SCML4: variants seen among roughly 807,000 people sequenced by gnomAD.
SCML4 encodes the protein sex comb on midleg-like protein 4.
In SCML4, 34 loss-of-function variants were observed where a neutral mutation model predicts 41.1. That is an observed-to-expected ratio of 0.83 (90% confidence interval 0.63 to 1.10). SCML4 has a LOEUF of 1.10. Ranked by LOEUF, SCML4 falls within the 50% of genes least tolerant of loss-of-function variation. SCML4 has a pLI of 0.00. For missense variants in SCML4, 522 were observed against 534.1 expected, an observed-to-expected ratio of 0.98 and a Z score of 0.22; for synonymous variants, 214 against 220.9, an observed-to-expected ratio of 0.97 and a Z score of 0.28.
intron 1 of SCML4, among the ~76,000 whole-genome samples, chr6:107,817,633 AAAG>A (rs536833665): frequency 0.24 from 20,861 of 85,824 alleles, 3,911 homozygotes; most frequent in African/African-American, 0.3. Context: ...AAAAAAAAAA[AAAG>A]AAAAAAAAAA....
chr6:107,793,630 T>TG (rs1472442542), intron 1 of SCML4, among the ~76,000 whole-genome samples: 1 of 152,198 alleles, frequency 6.6e-6, no homozygotes, highest in Non-Finnish European at 1.5e-5. Flanking sequence ...AAGCCCAATT[T>TG]GGTAAGGATA....
chr6:107,748,591 T>A (rs564336269), intron 3 of SCML4, among the ~76,000 whole-genome samples: 1 of 152,168 alleles, frequency 6.6e-6, no homozygotes, highest in Non-Finnish European at 1.5e-5. Context: ...CCAGGTCTCA[T>A]CCCAGGTGAT....
rs1236540323 is a variant in SCML4, at chr6:107,721,013, A to C, written c.683-20T>G. 1.3e-6 allele frequency: 2 copies of C among 1,571,980 alleles called. No homozygotes were observed. The highest frequency in any genetic ancestry group is 1.9e-5 in the Admixed American group (1 of 53,902). On this transcript the variant is annotated intron_variant, in intron 5 of 7. Coordinates refer to ENST00000369020, the MANE Select transcript of SCML4 (RefSeq NM_198081.5). ...TCTTGACTAAGCAATAAGGCAGTAC[A>C]GAGAAGCAGATATCAGAGAGCAGTT...
At position 107,705,045 on chromosome 6, in the gene SCML4, G is replaced by T; in HGVS notation, c.*155C>A. On this transcript the variant is annotated 3_prime_UTR_variant, in exon 8 of 8. Transcript: ENST00000369020. ...AAGGTCCATGTTAAATTCTTCAAAA[G>T]GCAAAGATTCACAAGTTTTATAAAA... 1 of 770,398 alleles carries T rather than the reference G, an allele frequency of 1.3e-6. No individual in the cohort carries two copies. The highest frequency in any genetic ancestry group is 2.1e-6 in the Non-Finnish European group (1 of 465,970). The allele number at this position is 770,398 out of a possible 1,614,324, so 47.7% of individuals were successfully genotyped here. A position where few individuals can be genotyped will look rare whatever the true frequency, so the allele number is the denominator to read the frequency against.
At chr6:107,803,455 G>C (rs555906554) in intron 1 of SCML4, among the ~76,000 whole-genome samples, 1 of 148,356 alleles carries the variant, frequency 6.7e-6, no homozygotes, top group South Asian at 2.1e-4. Flanking sequence ...CCGGCCAGCC[G>C]CCCGGTCCGG....
chr6:107,807,650 T>TC (rs1783837742), intron 1 of SCML4, among the ~76,000 whole-genome samples: 1 of 152,222 alleles, frequency 6.6e-6, no homozygotes, highest in African/African-American at 2.4e-5. Context: ...TTAGCACAAT[T>TC]CCCTGTAGGA....
At chr6:107,843,699 G>A in the SCML4 span, among the ~76,000 whole-genome samples, 1 of 152,174 alleles carries the variant, frequency 6.6e-6, no homozygotes. Flanking sequence ...TGCCCCCAGA[G>A]ACACATTCAA....
chr6:107,734,422 C>CAGG (rs1776854926), intron 5 of SCML4, among the ~76,000 whole-genome samples: 1 of 152,204 alleles, frequency 6.6e-6, no homozygotes, highest in Non-Finnish European at 1.5e-5. Context: ...AACATTCATT[C>CAGG]ATTGGTTAAT....
intron 1 of SCML4, among the ~76,000 whole-genome samples, chr6:107,787,097 G>C (rs1781956049): frequency 6.6e-6 from 1 of 152,182 alleles, no homozygotes; most frequent in Non-Finnish European, 1.5e-5. Context: ...CAGAGAGCTG[G>C]CAACAGAGCT....
chr6:107,807,061 CTTT>C lies in SCML4; in HGVS notation c.-60+17062_-60+17064del, dbSNP rs201486996. The stretch of plus-strand genomic sequence containing the variant: ...AATAATTTGATGAAATGTTCCTAAG[CTTT>C]TTTTTTTTTTTTTTGGCTTAATACC... On this transcript the variant is annotated intron_variant, in intron 1 of 7. Coordinates refer to ENST00000369020, the MANE Select transcript of SCML4 (RefSeq NM_198081.5). Among the ~76,000 whole-genome samples, 1,039 of 133,392 alleles carry C rather than the reference CTTT, an allele frequency of 7.8e-3. 3 individuals carry two copies. The highest frequency in any genetic ancestry group is 8.1e-3 in the East Asian group (38 of 4,670). 87.5% of individuals were successfully genotyped at this position (133,392 alleles called of 152,430 possible). A position where few individuals can be genotyped will look rare whatever the true frequency, so the allele number is the denominator to read the frequency against.
intron 1 of SCML4, among the ~76,000 whole-genome samples, chr6:107,786,188 C>A (rs1048048237): frequency 6.6e-6 from 1 of 152,190 alleles, no homozygotes; most frequent in South Asian, 2.1e-4. Flanking sequence ...TGAGTTGGAT[C>A]GCAGCAGGTC....
At chr6:107,716,292 C>T (rs1404011450) in intron 6 of SCML4, among the ~76,000 whole-genome samples, 1 of 152,162 alleles carries the variant, frequency 6.6e-6, no homozygotes, top group Admixed American at 6.5e-5. Context: ...AGCCATCAGG[C>T]ATGATTTGAA....
chr6:107,832,002 GC>G, the SCML4 span, among the ~76,000 whole-genome samples: 1 of 151,590 alleles, frequency 6.6e-6, no homozygotes, highest in Non-Finnish European at 1.5e-5. Context: ...GGTGGAGCTT[GC>G]AGTGAGCCGA....
upstream of SCML4, among the ~76,000 whole-genome samples, chr6:107,828,610 T>C (rs1481385788): frequency 6.6e-6 from 1 of 152,160 alleles, no homozygotes; most frequent in Admixed American, 6.5e-5. Context: ...TAAGATTCCA[T>C]TTCTGTAGTA....
chr6:107,803,902 A>G (rs1783503932), intron 1 of SCML4, among the ~76,000 whole-genome samples: 1 of 151,756 alleles, frequency 6.6e-6, no homozygotes, highest in Admixed American at 6.6e-5. Context: ...ACCCAGGGAC[A>G]CAAACACTGC....
chr6:107,744,944 C>T lies in SCML4; in HGVS notation c.682+5G>A. 1.3e-6 allele frequency: 2 copies of T among 1,599,802 alleles called. No individual in the cohort carries two copies. The highest frequency in any genetic ancestry group is 1.7e-6 in the Non-Finnish European group (2 of 1,172,272). On this transcript the variant is annotated splice_donor_5th_base_variant and intron_variant, in intron 5 of 7. Coordinates refer to ENST00000369020, the MANE Select transcript of SCML4 (RefSeq NM_198081.5). ...TGCAGGTGGGGGAAGCAGGACAAGG[C>T]CTACCTGATTCCATCCTCCCTTCCT...
At chr6:107,839,348 A>AGAAG in the SCML4 span, among the ~76,000 whole-genome samples, 1 of 47,524 alleles carries the variant, frequency 2.1e-5, no homozygotes, top group Non-Finnish European at 4.0e-5. Flanking sequence ...AGAAAAAGAA[A>AGAAG]GAAAGAAAGA....
chr6:107,788,083 A>G (rs1252467182), intron 1 of SCML4, among the ~76,000 whole-genome samples: 1 of 152,238 alleles, frequency 6.6e-6, no homozygotes, highest in Non-Finnish European at 1.5e-5. Context: ...AGGTCAAGGA[A>G]AGATGCATTT....
chr6:107,839,713 C>T, the SCML4 span, among the ~76,000 whole-genome samples: 1 of 152,056 alleles, frequency 6.6e-6, no homozygotes, highest in Non-Finnish European at 1.5e-5. Context: ...TGGTTCTCTA[C>T]CCCTGAGAAT....
Sources: allele counts gnomAD v4.1 joint callset (sites outside exome capture counted in the v4.1 genomes callset), GRCh38; gene constraint gnomAD v4.1.1; transcripts MANE v1.5; gene names NCBI Gene and HGNC (gene_info 2026-07-23, HGNC 2026-07-21).